Variants in GLCE observed in about 807,000 individuals in gnomAD.
GLCE encodes D-glucuronyl C5-epimerase.
Under a neutral mutation model 47.9 loss-of-function variants are expected in GLCE, and 19 were observed. The observed-to-expected ratio is 0.40, with a 90% CI of 0.28 to 0.58. GLCE has a LOEUF of 0.58. Ranked by LOEUF, GLCE falls within the 20% of genes least tolerant of loss-of-function variation. GLCE has a pLI of 0.48. For missense variants in GLCE, 556 were observed against 743.3 expected, an observed-to-expected ratio of 0.75 and a Z score of 2.93; for synonymous variants, 245 against 263.4, an observed-to-expected ratio of 0.93 and a Z score of 0.68.
chr15:69,176,666 G>C (rs1296405654), intron 1 of GLCE, among the ~76,000 whole-genome samples: 1 of 152,142 alleles, frequency 6.6e-6, no homozygotes, highest in East Asian at 1.9e-4. Flanking sequence ...ATTCAGGGTA[G>C]GCTCTTAAGT....
chr15:69,226,970 C>T (rs1210177809), intron 2 of GLCE, among the ~76,000 whole-genome samples: 1 of 151,984 alleles, frequency 6.6e-6, no homozygotes, highest in South Asian at 2.1e-4. Flanking sequence ...GTCTCGACCT[C>T]CTGACCTCAG....
chr15:69,228,110 G>A (rs1428152274), intron 2 of GLCE, among the ~76,000 whole-genome samples: 1 of 152,168 alleles, frequency 6.6e-6, no homozygotes, highest in Non-Finnish European at 1.5e-5. Flanking sequence ...CTCTACTGAA[G>A]TATTATGCTT....
chr15:69,226,096 A>G (rs1298321355), intron 2 of GLCE, among the ~76,000 whole-genome samples: 1 of 151,820 alleles, frequency 6.6e-6, no homozygotes, highest in Non-Finnish European at 1.5e-5. Context: ...ACCTATTTTA[A>G]TCTTTTGTTA....
intron 2 of GLCE, among the ~76,000 whole-genome samples, chr15:69,242,488 A>G (rs1457804636): frequency 6.6e-6 from 1 of 152,042 alleles, no homozygotes; most frequent in Non-Finnish European, 1.5e-5. Context: ...TCTATATACT[A>G]TAGATATATA....
rs376091446 is a variant in GLCE, at chr15:69,219,384, A to G, written c.-14+8978A>G. ...TGACATTTGGTAAGGAAAAAGTCCA[A>G]TAATTTAATATTTTTTTTAATAACA... On this transcript the variant is annotated intron_variant, in intron 2 of 4. Coordinates refer to ENST00000261858, the MANE Select transcript of GLCE (RefSeq NM_015554.3). Among the ~76,000 whole-genome samples the G allele has an allele frequency of 8.5e-5, 13 of 152,302 alleles. No individual in the cohort carries two copies. The East Asian group carries it at 2.3e-3, about 27-fold the overall frequency.
chr15:69,224,193 T>C (rs1233676777), intron 2 of GLCE, among the ~76,000 whole-genome samples: 2 of 152,240 alleles, frequency 1.3e-5, no homozygotes, highest in East Asian at 3.8e-4. Context: ...GGAAATCAGA[T>C]TTTCTCCTTT....
At chr15:69,214,960 T>C (rs1458696763) in intron 2 of GLCE, among the ~76,000 whole-genome samples, 1 of 152,196 alleles carries the variant, frequency 6.6e-6, no homozygotes, top group Admixed American at 6.5e-5. Context: ...AAGTTAGTTG[T>C]CAGGTCTTTT....
intron 3 of GLCE, among the ~76,000 whole-genome samples, chr15:69,258,840 AT>A (rs2052972598): frequency 6.6e-6 from 1 of 151,974 alleles, no homozygotes; most frequent in Non-Finnish European, 1.5e-5. Context: ...CTATATTTCC[AT>A]TTTTTTGCTA....
At chr15:69,232,771 T>C (rs2052543092) in intron 2 of GLCE, among the ~76,000 whole-genome samples, 1 of 152,118 alleles carries the variant, frequency 6.6e-6, no homozygotes, top group Non-Finnish European at 1.5e-5. Context: ...GACAATTAAA[T>C]AGAAAACAAG....
chr15:69,254,561 T>C (rs1167275323), intron 2 of GLCE, among the ~76,000 whole-genome samples: 1 of 152,208 alleles, frequency 6.6e-6, no homozygotes, highest in South Asian at 2.1e-4. Flanking sequence ...GTAGTAACAA[T>C]GTAGTTGGTG....
chr15:69,188,453 C>G (rs570057134), intron 1 of GLCE, among the ~76,000 whole-genome samples: 32 of 152,246 alleles, frequency 2.1e-4, no homozygotes, highest in Non-Finnish European at 3.4e-4. Context: ...CTCTCTTCTT[C>G]AATTTTCTGG....
intron 2 of GLCE, among the ~76,000 whole-genome samples, chr15:69,211,343 C>G (rs892814391): frequency 3.9e-5 from 6 of 151,956 alleles, no homozygotes; most frequent in African/African-American, 1.4e-4. Flanking sequence ...TAAATTTAAA[C>G]TGAACAAATA....
At chr15:69,182,791 A>C (rs922651609) in intron 1 of GLCE, among the ~76,000 whole-genome samples, 10 of 152,132 alleles carry the variant, frequency 6.6e-5, no homozygotes, top group African/African-American at 2.4e-4. Flanking sequence ...AGGCAGGTGG[A>C]TCACTTGAGG....
At chr15:69,253,179 G>A (rs936399212) in intron 2 of GLCE, among the ~76,000 whole-genome samples, 1 of 152,174 alleles carries the variant, frequency 6.6e-6, no homozygotes, top group African/African-American at 2.4e-5. Flanking sequence ...CAGATAGCTG[G>A]CAAGAATCCC....
At chr15:69,260,996 A>T (rs2053005243) in intron 3 of GLCE, 91 bp from the exon 4 acceptor site, 1 of 1,221,242 alleles carries the variant, frequency 8.2e-7, no homozygotes, top group Non-Finnish European at 1.2e-6. Context: ...ACCCTGTAAG[A>T]TCCCCCAGAA....
At chr15:69,246,680 C>T (rs770394489) in intron 2 of GLCE, among the ~76,000 whole-genome samples, 5 of 149,518 alleles carry the variant, frequency 3.3e-5, no homozygotes, top group Admixed American at 1.3e-4. Flanking sequence ...CATGCCACTG[C>T]ACTCCAGCCT....
At chr15:69,179,965 C>T (rs554258305) in intron 1 of GLCE, among the ~76,000 whole-genome samples, 5 of 152,184 alleles carry the variant, frequency 3.3e-5, no homozygotes, top group East Asian at 3.9e-4. Flanking sequence ...CCAGCCTGGA[C>T]GACAGAGTGA....
intron 1 of GLCE, among the ~76,000 whole-genome samples, chr15:69,191,332 C>G (rs1265812236): frequency 1.3e-5 from 2 of 152,054 alleles, no homozygotes; most frequent in African/African-American, 4.8e-5. Flanking sequence ...TGTAGTGTAT[C>G]ACCTCCGGTT....
In GLCE at chr15:69,271,651, G is replaced by A. The variant is rs2053168527; in HGVS notation, c.*2407G>A. ...AGTTTTTCTTTGCTTTAAGATTATA[G>A]GTATTAGGTTTGTTTTTGTTTTTCC... On this transcript the variant is annotated 3_prime_UTR_variant, in exon 5 of 5. Transcript: ENST00000261858. 6.6e-6 allele frequency: 1 copy of A among 152,420 alleles called. No individual in the cohort carries two copies. Among genetic ancestry groups the A allele is most frequent in the South Asian group, 2.1e-4 (1 of 4,824 alleles). 9.4% of individuals were successfully genotyped at this position (152,420 alleles called of 1,614,324 possible).
Sources: allele counts gnomAD v4.1 joint callset (sites outside exome capture counted in the v4.1 genomes callset), GRCh38; gene constraint gnomAD v4.1.1; transcripts MANE v1.5; gene names NCBI Gene and HGNC (gene_info 2026-07-23, HGNC 2026-07-21).